BCAS3: variants seen among roughly 807,000 people sequenced by gnomAD.
BCAS3 encodes BCAS4/BCAS3 fusion.
A neutral mutation model predicts 116.1 loss-of-function variants in BCAS3; 53 were observed. The observed-to-expected ratio is 0.46, with a 90% confidence interval of 0.37 to 0.57. The LOEUF (loss-of-function observed/expected upper bound fraction) is 0.57. Ranked by LOEUF, BCAS3 falls within the 20% of genes least tolerant of loss-of-function variation. BCAS3 has a pLI of 0.00. For synonymous variants in BCAS3, 391 were observed against 408.2 expected (o/e 0.96, Z 0.51); for missense variants, 917 against 1,165.4 (o/e 0.79, Z 3.10).
intron 8 of BCAS3, among the ~76,000 whole-genome samples, chr17:60,869,160 A>C (rs867462229): frequency 1.3e-5 from 2 of 152,208 alleles, no homozygotes; most frequent in Non-Finnish European, 2.9e-5. Flanking sequence ...TAAAATAGGG[A>C]CTAGACTAAT....
Position 61,200,535 on chromosome 17 carries a change from T to C in BCAS3, c.2425+115971T>C, listed in dbSNP as rs2080758901. 6.6e-6 allele frequency among the ~76,000 whole-genome samples: 1 copy of C among 152,218 alleles called. No homozygotes were observed. Among genetic ancestry groups the C allele is most frequent in the African/African-American group, 2.4e-5 (1 of 41,456 alleles). ...AATCAATGACCGAGCTGGTGTGGAA[T>C]GTTAGCCTCCTGGATCCTGATCGTT... On this transcript the variant is annotated intron_variant, in intron 22 of 23. Coordinates refer to ENST00000407086, the MANE Select transcript of BCAS3 (RefSeq NM_017679.5). This position sits in a 1 kb window ranked among gnomAD's most constrained non-coding sequence, Gnocchi z 5.1.
intron 7 of BCAS3, among the ~76,000 whole-genome samples, chr17:60,855,266 TG>T (rs1259220215): frequency 6.6e-6 from 1 of 151,090 alleles, no homozygotes; most frequent in Non-Finnish European, 1.5e-5. Context: ...GTTTTGTTGT[TG>T]TTTTTTTTTT....
At chr17:61,329,865 C>G (rs1021417594) in intron 22 of BCAS3, among the ~76,000 whole-genome samples, 1 of 152,178 alleles carries the variant, frequency 6.6e-6, no homozygotes, top group Non-Finnish European at 1.5e-5. Flanking sequence ...CTTACCTGCT[C>G]AGTCTTCGAG....
rs2066897986 is a variant in BCAS3, at chr17:61,034,874, T to C, written c.1762+84T>C. ...ATTTTTAGCAGTTTCCCTAGAATAA[T>C]CTTGTACCCAGTAGTCTGGAAACCA... On this transcript the variant is annotated intron_variant, in intron 17 of 23. Transcript: ENST00000407086. This position sits in a 1 kb window ranked among gnomAD's most constrained non-coding sequence, Gnocchi z 5.0. 7.3e-7 allele frequency: 1 copy of C among 1,374,850 alleles called. No homozygotes were observed. Among genetic ancestry groups the C allele is most frequent in the Admixed American group, 2.3e-5 (1 of 43,908 alleles). 85.2% of individuals were successfully genotyped at this position (1,374,850 alleles called of 1,614,324 possible).
At chr17:60,697,287 G>A (rs952505665) in intron 4 of BCAS3, among the ~76,000 whole-genome samples, 2 of 151,806 alleles carry the variant, frequency 1.3e-5, no homozygotes, top group South Asian at 2.1e-4. Context: ...TTGGCTGGGC[G>A]TGGTGGCTCA....
At chr17:60,753,637 C>T (rs2042709257) in intron 6 of BCAS3, among the ~76,000 whole-genome samples, 1 of 152,012 alleles carries the variant, frequency 6.6e-6, no homozygotes, top group Non-Finnish European at 1.5e-5. Context: ...TCTCGATCAC[C>T]TGACCTCGTG....
At chr17:61,057,535 A>C (rs542427104) in intron 19 of BCAS3, among the ~76,000 whole-genome samples, 1 of 152,278 alleles carries the variant, frequency 6.6e-6, no homozygotes, top group South Asian at 2.1e-4. Context: ...AATCTTTTTC[A>C]ACTTTCAGAT....
chr17:61,060,442 C>T (rs927035617), intron 19 of BCAS3, among the ~76,000 whole-genome samples: 5 of 152,020 alleles, frequency 3.3e-5, no homozygotes, highest in Non-Finnish European at 7.4e-5. Context: ...GCCACCAGAC[C>T]TAAATGTATT....
At chr17:61,317,239 T>C (rs192144539) in intron 22 of BCAS3, among the ~76,000 whole-genome samples, 2 of 152,332 alleles carry the variant, frequency 1.3e-5, no homozygotes, top group East Asian at 3.9e-4. Flanking sequence ...CTTCTTGCTG[T>C]CCTCACTAGC....
chr17:60,932,319 T>C (rs1421669288), intron 13 of BCAS3, among the ~76,000 whole-genome samples: 1 of 152,204 alleles, frequency 6.6e-6, no homozygotes, highest in Non-Finnish European at 1.5e-5. Flanking sequence ...ATTACAATAA[T>C]TAATTACATT....
At chr17:60,700,766 C>A (rs2036277267) in intron 4 of BCAS3, among the ~76,000 whole-genome samples, 1 of 152,108 alleles carries the variant, frequency 6.6e-6, no homozygotes. Context: ...AGTTGCTGCG[C>A]AGTCTAAAAA....
intron 4 of BCAS3, among the ~76,000 whole-genome samples, chr17:60,705,832 G>A (rs2037051941): frequency 6.6e-6 from 1 of 152,152 alleles, no homozygotes; most frequent in African/African-American, 2.4e-5. Flanking sequence ...TGAAATGAAA[G>A]CAAATGATGG....
intron 13 of BCAS3, among the ~76,000 whole-genome samples, chr17:60,934,432 A>C (rs2059815616): frequency 6.6e-6 from 1 of 152,254 alleles, no homozygotes. Context: ...GTCTACAACA[A>C]ATATAACATA....
intron 5 of BCAS3, chr17:60,727,612 A>G (rs1363155227): frequency 3.3e-6 from 2 of 602,652 alleles, no homozygotes; most frequent in Non-Finnish European, 5.5e-6. Context: ...TTTTAGGTTC[A>G]CGGCAAAACT....
chr17:60,850,330 A>ACTC (rs1049921617), intron 7 of BCAS3, among the ~76,000 whole-genome samples: 1 of 108,904 alleles, frequency 9.2e-6, no homozygotes, highest in Non-Finnish European at 1.8e-5. Context: ...CCTCCCCCTA[A>ACTC]CTCCTGGCAC....
intron 6 of BCAS3, among the ~76,000 whole-genome samples, chr17:60,774,905 A>G (rs936838171): frequency 6.6e-6 from 1 of 152,126 alleles, no homozygotes; most frequent in Non-Finnish European, 1.5e-5. Context: ...ACTGTTTTTT[A>G]TATATTTTAT....
chr17:60,802,722 A>G (rs937088451), intron 6 of BCAS3, among the ~76,000 whole-genome samples: 1 of 152,034 alleles, frequency 6.6e-6, no homozygotes, highest in Non-Finnish European at 1.5e-5. Context: ...GCTCACTGCA[A>G]ACTCTGCCTC....
chr17:60,915,875 G>A (rs9894964), intron 12 of BCAS3, among the ~76,000 whole-genome samples: 27,042 of 151,604 alleles, frequency 0.18, 2,658 homozygotes, highest in African/African-American at 0.27. Context: ...AGTAGAGACG[G>A]GGTTTCGCCA....
At chr17:60,709,396 A>AT in intron 5 of BCAS3, 71 bp downstream of exon 5, 1 of 1,010,996 alleles carries the variant, frequency 9.9e-7, no homozygotes. Flanking sequence ...ATCTGTAGAT[A>AT]CTTTTTTTTT....
Sources: allele counts gnomAD v4.1 joint callset (sites outside exome capture counted in the v4.1 genomes callset), GRCh38; gene constraint gnomAD v4.1.1; non-coding constraint Gnocchi (gnomAD v3.1); transcripts MANE v1.5; gene names NCBI Gene and HGNC (gene_info 2026-07-23, HGNC 2026-07-21).